TMEM117: variants seen among roughly 807,000 people sequenced by gnomAD.
The protein encoded by TMEM117 is transmembrane protein 117.
Under a neutral mutation model 52.4 loss-of-function variants are expected in TMEM117, and 27 were observed. That is an observed-to-expected ratio of 0.51 (90% CI 0.38 to 0.71). The LOEUF is 0.71. Among genes scored for constraint, TMEM117 ranks in the 30% least tolerant of loss-of-function variants. The pLI is 0.00. For missense variants in TMEM117, 556 were observed against 630.5 expected (o/e 0.88, Z 1.26); for synonymous variants, 215 against 206.3 (o/e 1.04, Z -0.36).
chr12:44,159,780 CTT>C (rs1948874469), intron 4 of TMEM117, among the ~76,000 whole-genome samples: 1 of 152,114 alleles, frequency 6.6e-6, no homozygotes, highest in Non-Finnish European at 1.5e-5. Flanking sequence ...TACTTTGTAA[CTT>C]TGTTGAAAAC....
At chr12:44,052,697 G>A (rs565304433) in intron 3 of TMEM117, among the ~76,000 whole-genome samples, 1 of 152,262 alleles carries the variant, frequency 6.6e-6, no homozygotes, top group African/African-American at 2.4e-5. Flanking sequence ...TGTGGCCCAC[G>A]TCTGACCCAG....
intron 2 of TMEM117, among the ~76,000 whole-genome samples, chr12:43,939,066 C>A (rs943217562): frequency 1.3e-5 from 2 of 152,018 alleles, no homozygotes; most frequent in East Asian, 3.9e-4. Flanking sequence ...AATAAAGAAT[C>A]CTTATAATTT....
At chr12:44,154,608 CTT>C (rs1384447228) in intron 4 of TMEM117, among the ~76,000 whole-genome samples, 2 of 151,586 alleles carry the variant, frequency 1.3e-5, no homozygotes, top group African/African-American at 4.8e-5. Flanking sequence ...CCTAATTTCT[CTT>C]TGACATTTTC....
the TMEM117 span, chr12:43,795,819 AG>A: frequency 3.3e-6 from 5 of 1,532,170 alleles, no homozygotes; most frequent in Non-Finnish European, 4.5e-6. Context: ...GCTGGTTTTC[AG>A]GTATATGAAT....
the TMEM117 span, chr12:43,800,391 T>C: frequency 6.9e-7 from 1 of 1,454,172 alleles, no homozygotes; most frequent in Admixed American, 1.8e-5. Context: ...TCCTCTTTAA[T>C]CATTTTAATT....
chr12:43,986,001 A>AT (rs969348506), intron 3 of TMEM117, among the ~76,000 whole-genome samples: 25 of 152,056 alleles, frequency 1.6e-4, no homozygotes, highest in Non-Finnish European at 1.6e-4. Flanking sequence ...TGTTATTATT[A>AT]TTTTTTTGGT....
At chr12:44,248,132 C>G (rs987533735) in intron 5 of TMEM117, among the ~76,000 whole-genome samples, 1 of 152,114 alleles carries the variant, frequency 6.6e-6, no homozygotes, top group Admixed American at 6.5e-5. Context: ...GTGGACTCCT[C>G]TCAATCGTGT....
rs111783899 is a variant in TMEM117, at chr12:44,057,644, CAA to C, written c.411-85870_411-85869del. On this transcript the variant is annotated intron_variant, in intron 3 of 7. Coordinates refer to ENST00000266534, the MANE Select transcript of TMEM117 (RefSeq NM_032256.3). Reference sequence around the variant, plus strand: ...TAATTGATAAGAAAACAATATTTCTCAAAAAAAAAAAAGAATATGTCATTTGT... The same window carrying C: ...TAATTGATAAGAAAACAATATTTCTCAAAAAAAAAAGAATATGTCATTTGT... Among the ~76,000 whole-genome samples, 416 of 138,026 alleles carry C rather than the reference CAA, an allele frequency of 3.0e-3. 4 individuals are homozygous for C. The highest frequency in any genetic ancestry group is 0.01 in the African/African-American group (388 of 38,738). 90.6% of individuals were successfully genotyped at this position (138,026 alleles called of 152,430 possible).
intron 3 of TMEM117, chr12:44,010,046 C>T (rs1592437413): frequency 2.7e-6 from 1 of 375,976 alleles, no homozygotes. Flanking sequence ...GTACTTCTTA[C>T]TGGGACTGGA....
intron 5 of TMEM117, among the ~76,000 whole-genome samples, chr12:44,233,620 A>G (rs909276093): frequency 1.3e-5 from 2 of 151,362 alleles, no homozygotes; most frequent in African/African-American, 4.8e-5. Flanking sequence ...CCTGCCTACC[A>G]AAGCAAAAAT....
downstream of TMEM117, among the ~76,000 whole-genome samples, chr12:44,390,801 T>A (rs1400069843): frequency 6.6e-6 from 1 of 152,102 alleles, no homozygotes; most frequent in African/African-American, 2.4e-5. Context: ...GGATCTACTT[T>A]CTTCTTTTGC....
chr12:43,811,960 CACT>C, the TMEM117 span, among the ~76,000 whole-genome samples: 1 of 152,102 alleles, frequency 6.6e-6, no homozygotes, highest in African/African-American at 2.4e-5. Context: ...TAATGAGATT[CACT>C]ACTACAGTAA....
chr12:43,995,298 G>A (rs535986682), intron 3 of TMEM117, among the ~76,000 whole-genome samples: 2 of 151,518 alleles, frequency 1.3e-5, no homozygotes, highest in South Asian at 4.2e-4. Context: ...GCTGAAGACC[G>A]CAGAGCTTGC....
At chr12:44,116,897 G>A (rs563032262) in intron 3 of TMEM117, among the ~76,000 whole-genome samples, 2 of 152,282 alleles carry the variant, frequency 1.3e-5, no homozygotes, top group East Asian at 3.9e-4. Context: ...ACTCTCTGCA[G>A]TAGCCTCCTA....
chr12:43,970,333 G>C (rs1273715150), intron 3 of TMEM117, among the ~76,000 whole-genome samples: 1 of 151,368 alleles, frequency 6.6e-6, no homozygotes, highest in Non-Finnish European at 1.5e-5. Context: ...CTGTTGCCCA[G>C]GCTGGAGTGC....
chr12:44,157,111 C>G (rs939277213), intron 4 of TMEM117, among the ~76,000 whole-genome samples: 1 of 152,184 alleles, frequency 6.6e-6, no homozygotes, highest in African/African-American at 2.4e-5. Flanking sequence ...ATATGAAGAA[C>G]AATCCTTTTA....
At chr12:44,255,769 C>A (rs1950253051) in intron 5 of TMEM117, among the ~76,000 whole-genome samples, 1 of 152,010 alleles carries the variant, frequency 6.6e-6, no homozygotes, top group East Asian at 1.9e-4. Flanking sequence ...AAAAATCAAC[C>A]ACTGCATTAC....
chr12:43,967,253 T>TA (rs1945501064), intron 3 of TMEM117, among the ~76,000 whole-genome samples: 2 of 152,140 alleles, frequency 1.3e-5, no homozygotes. Context: ...GCCTCCTGGG[T>TA]AACTGGGATT....
chr12:44,298,871 C>T lies in TMEM117; in HGVS notation c.609-709C>T, dbSNP rs562302123. Among the ~76,000 whole-genome samples the T allele has an allele frequency of 3.8e-4, 58 of 150,674 alleles. 3 individuals carry two copies. The highest frequency in any genetic ancestry group is 1.2e-3 in the African/African-American group (47 of 40,068). On this transcript the variant is annotated intron_variant, in intron 5 of 7. Transcript: ENST00000266534. ...ATGGTGATGAGTCTGGTCTAACTAT[C>T]CCTCTCTTTTGTAGAAGGATAATGG...
Sources: gnomAD v4.1 joint callset for allele counts (sites outside exome capture counted in the v4.1 genomes callset) on GRCh38, gnomAD v4.1.1 for gene constraint, MANE v1.5 for transcripts, NCBI Gene and HGNC (gene_info 2026-07-23, HGNC 2026-07-21) for gene names.